TMEFF2: variants seen among roughly 807,000 people sequenced by gnomAD.
TMEFF2 encodes the protein transmembrane protein with EGF like and two follistatin like domains 2, also known as tomoregulin-2.
A neutral mutation model predicts 53.8 loss-of-function variants in TMEFF2; 28 were observed. The ratio of observed to expected loss-of-function variants is 0.52; its 90% CI spans 0.39 to 0.71. The LOEUF is 0.71. Among genes scored for constraint, TMEFF2 ranks in the 30% least tolerant of loss-of-function variants. TMEFF2 has a pLI of 0.00. For synonymous variants in TMEFF2, 162 were observed against 166.3 expected (o/e 0.97, Z 0.20); for missense variants, 353 against 455.2 (o/e 0.78, Z 2.04).
At chr2:192,133,872 T>A in intron 4 of TMEFF2, among the ~76,000 whole-genome samples, 1 of 152,150 alleles carries the variant, frequency 6.6e-6, no homozygotes, top group African/African-American at 2.4e-5. Flanking sequence ...AAAACACACG[T>A]GCTCTCCCTG....
chr2:191,981,783 T>G (rs996888411), intron 7 of TMEFF2, among the ~76,000 whole-genome samples: 37 of 152,180 alleles, frequency 2.4e-4, no homozygotes, highest in African/African-American at 8.7e-4. Context: ...GGTAATACAT[T>G]TATCAATCCT....
chr2:192,048,608 A>G (rs1490064795), intron 5 of TMEFF2, among the ~76,000 whole-genome samples: 1 of 152,336 alleles, frequency 6.6e-6, no homozygotes, highest in East Asian at 1.9e-4. Flanking sequence ...GTGCTAAATT[A>G]AAAGATACAG....
chr2:192,185,287 T>G (rs1018706274), intron 2 of TMEFF2, among the ~76,000 whole-genome samples: 13 of 151,928 alleles, frequency 8.6e-5, no homozygotes, highest in Non-Finnish European at 1.5e-5. Context: ...ATAATCATAC[T>G]CTAAGGCATT....
intron 4 of TMEFF2, among the ~76,000 whole-genome samples, chr2:192,112,696 C>G (rs1689311853): frequency 6.6e-6 from 1 of 152,040 alleles, no homozygotes; most frequent in Non-Finnish European, 1.5e-5. Context: ...GGGCTATGTC[C>G]TCACCGAAAT....
chr2:192,042,821 C>A (rs1026226610), intron 5 of TMEFF2, among the ~76,000 whole-genome samples: 11 of 152,158 alleles, frequency 7.2e-5, no homozygotes, highest in African/African-American at 2.2e-4. Flanking sequence ...CTTAGAGAGA[C>A]TGGAATGCTA....
intron 8 of TMEFF2, 43 bp from the exon 9 acceptor site, chr2:191,953,880 TTCA>T: frequency 7.9e-7 from 1 of 1,260,442 alleles, no homozygotes; most frequent in Admixed American, 2.8e-5. Context: ...GGGTGCTGCA[TTCA>T]TTTTTTTTTT....
chr2:192,041,088 A>C (rs1687467319), intron 5 of TMEFF2, among the ~76,000 whole-genome samples: 1 of 152,180 alleles, frequency 6.6e-6, no homozygotes, highest in Non-Finnish European at 1.5e-5. Context: ...TATAACAACA[A>C]ACACAAGCAA....
At chr2:192,090,071 A>G (rs1264707847) in intron 4 of TMEFF2, among the ~76,000 whole-genome samples, 1 of 152,052 alleles carries the variant, frequency 6.6e-6, no homozygotes, top group East Asian at 1.9e-4. Flanking sequence ...CACTTCACTT[A>G]TTTTCTATAG....
intron 5 of TMEFF2, among the ~76,000 whole-genome samples, chr2:192,055,546 G>A (rs907700010): frequency 2.6e-5 from 4 of 151,828 alleles, no homozygotes; most frequent in Non-Finnish European, 4.4e-5. Context: ...AGGCCGAGGC[G>A]GGCAAATCAC....
intron 4 of TMEFF2, among the ~76,000 whole-genome samples, chr2:192,102,367 AAC>A (rs1689049182): frequency 1.3e-5 from 2 of 152,100 alleles, no homozygotes; most frequent in East Asian, 3.9e-4. Flanking sequence ...CTCAGAATAA[AAC>A]ACAAAGTCTT....
At chr2:192,134,061 C>T (rs950544387) in intron 4 of TMEFF2, among the ~76,000 whole-genome samples, 1 of 152,184 alleles carries the variant, frequency 6.6e-6, no homozygotes, top group Non-Finnish European at 1.5e-5. Context: ...TGTCTGCGTG[C>T]AGCGGCTGCC....
At chr2:192,075,304 T>TATAAAAATATATATATATATAAATATAA (rs1553518792) in intron 4 of TMEFF2, among the ~76,000 whole-genome samples, 24 of 17,276 alleles carry the variant, frequency 1.4e-3, no homozygotes, top group Non-Finnish European at 4.4e-3. Flanking sequence ...TATATATATA[T>TATAAAAATATATATATATATAAATATAA]ATATATATAT....
intron 5 of TMEFF2, among the ~76,000 whole-genome samples, chr2:192,017,900 G>A (rs1686778080): frequency 6.6e-6 from 1 of 152,144 alleles, no homozygotes; most frequent in African/African-American, 2.4e-5. Flanking sequence ...ACCCTCCTCA[G>A]TAATTGGCAT....
chr2:192,133,714 C>T (rs868436474), intron 4 of TMEFF2, among the ~76,000 whole-genome samples: 8 of 152,220 alleles, frequency 5.3e-5, no homozygotes, highest in African/African-American at 1.7e-4. Flanking sequence ...AGCCTCTCTT[C>T]GCTTTCACTT....
intron 4 of TMEFF2, among the ~76,000 whole-genome samples, chr2:192,166,485 T>G (rs965904991): frequency 2.6e-5 from 4 of 152,220 alleles, no homozygotes; most frequent in Admixed American, 2.6e-4. Context: ...CCCAAAAGAT[T>G]TGCATTAAGA....
intron 3 of TMEFF2, among the ~76,000 whole-genome samples, chr2:192,180,570 A>G (rs2106035173): frequency 6.6e-6 from 1 of 151,870 alleles, no homozygotes; most frequent in South Asian, 2.1e-4. Flanking sequence ...GGGAAATAAG[A>G]TTAATATTGA....
intron 7 of TMEFF2, among the ~76,000 whole-genome samples, chr2:191,971,860 G>A (rs988346123): frequency 2.6e-5 from 4 of 152,122 alleles, no homozygotes; most frequent in Non-Finnish European, 5.9e-5. Context: ...AAAAAATAGG[G>A]TGCTCAGATA....
rs1457532163 is a variant in TMEFF2 at position 191,949,075 on chromosome 2, A to T, written c.*1236T>A. The T allele has an allele frequency of 1.0e-6, 1 of 985,146 alleles. No homozygotes were observed. Among genetic ancestry groups the T allele is most frequent in the Non-Finnish European group, 1.2e-6 (1 of 829,770 alleles). The allele number at this position is 985,146 out of a possible 1,614,324, so 61.0% of individuals were successfully genotyped here. A position where few individuals can be genotyped will look rare whatever the true frequency, so the allele number is the denominator to read the frequency against. ...AAGGAGACAAAGAGAGCTTTATTTA[A>T]ATTTACTGTGTTAGCCATGGAAAGC... On this transcript the variant is annotated 3_prime_UTR_variant, in exon 10 of 10. Coordinates refer to ENST00000272771, the MANE Select transcript of TMEFF2 (RefSeq NM_016192.4).
At chr2:192,077,064 A>C (rs1428576915) in intron 4 of TMEFF2, among the ~76,000 whole-genome samples, 1 of 152,166 alleles carries the variant, frequency 6.6e-6, no homozygotes. Context: ...TGTGCTGATG[A>C]GTAGGGTTAC....
Sources: gnomAD v4.1 joint callset for allele counts (sites outside exome capture counted in the v4.1 genomes callset) on GRCh38, gnomAD v4.1.1 for gene constraint, MANE v1.5 for transcripts, NCBI Gene and HGNC (gene_info 2026-07-23, HGNC 2026-07-21) for gene names.